Variants in ESRRG observed in about 807,000 individuals in gnomAD.
The protein encoded by ESRRG is estrogen-related receptor gamma.
A neutral mutation model predicts 44.0 loss-of-function variants in ESRRG; 13 were observed. The ratio of observed to expected loss-of-function variants is 0.30; its 90% CI spans 0.19 to 0.47. ESRRG has a LOEUF of 0.47. ESRRG is among the 20% of genes least tolerant of loss of function. ESRRG has a pLI of 1.00. For missense variants in ESRRG, 395 were observed against 580.6 expected (o/e 0.68, Z 3.29); for synonymous variants, 215 against 214.6 (o/e 1.00, Z -0.02).
At chr1:216,856,677 G>A (rs1283793304) in intron 2 of ESRRG, among the ~76,000 whole-genome samples, 17 of 152,288 alleles carry the variant, frequency 1.1e-4, no homozygotes, top group African/African-American at 2.4e-5. Context: ...TTGACGAAGA[G>A]TATATTACTT....
At chr1:217,099,315 A>G (rs932558879) in intron 1 of ESRRG, among the ~76,000 whole-genome samples, 1 of 152,044 alleles carries the variant, frequency 6.6e-6, no homozygotes, top group Non-Finnish European at 1.5e-5. Flanking sequence ...TGAAGTGGAT[A>G]TTATTCCTAC....
intron 1 of ESRRG, among the ~76,000 whole-genome samples, chr1:217,068,178 G>T (rs942615641): frequency 6.6e-6 from 1 of 152,148 alleles, no homozygotes; most frequent in Non-Finnish European, 1.5e-5. Context: ...TGACAGGAAA[G>T]CCTGAGGACC....
chr1:216,529,173 A>C (rs1048794950), intron 5 of ESRRG, among the ~76,000 whole-genome samples: 1 of 152,178 alleles, frequency 6.6e-6, no homozygotes, highest in Non-Finnish European at 1.5e-5. Context: ...AGCTCTATGC[A>C]AATAATCTGG....
At chr1:217,051,910 C>T (rs767262506) in intron 1 of ESRRG, among the ~76,000 whole-genome samples, 3 of 151,718 alleles carry the variant, frequency 2.0e-5, no homozygotes, top group East Asian at 1.9e-4. Flanking sequence ...ACCACAGGCT[C>T]ACACCACCAC....
intron 5 of ESRRG, among the ~76,000 whole-genome samples, chr1:216,547,578 C>T (rs1056061950): frequency 4.6e-5 from 7 of 151,996 alleles, no homozygotes; most frequent in Non-Finnish European, 8.8e-5. Flanking sequence ...ATGGTGCAAG[C>T]GTGTGTGTTA....
At chr1:216,797,376 T>C (rs74141657) in intron 2 of ESRRG, among the ~76,000 whole-genome samples, 7,211 of 152,228 alleles carry the variant, frequency 0.047, 575 homozygotes, top group African/African-American at 0.17. Context: ...TGTAACTCCT[T>C]AGGCTTCTCC....
rs931835849 is a variant in ESRRG, at chr1:216,580,572, T to G, written c.590-12474A>C. 2.0e-5 allele frequency among the ~76,000 whole-genome samples: 3 copies of G among 152,354 alleles called. No homozygotes were observed. The East Asian group carries it at 5.8e-4, about 29-fold the overall frequency. On this transcript the variant is annotated intron_variant, in intron 3 of 6. Transcript: ENST00000408911. ...ATATTGAACAAGAAAGATCATAGAT[T>G]GCTATACTTGGGAAATTTGACAAAT...
chr1:216,527,768 G>T (rs2048114509), intron 5 of ESRRG, among the ~76,000 whole-genome samples: 1 of 152,030 alleles, frequency 6.6e-6, no homozygotes, highest in African/African-American at 2.4e-5. Flanking sequence ...GTTGTCACTG[G>T]GTAGCATCTA....
At chr1:217,110,177 A>G (rs1356098498) in intron 1 of ESRRG, among the ~76,000 whole-genome samples, 1 of 152,192 alleles carries the variant, frequency 6.6e-6, no homozygotes, top group Non-Finnish European at 1.5e-5. Flanking sequence ...ACATCCTTTC[A>G]TGCACACGCC....
chr1:216,673,752 T>C lies in ESRRG; in HGVS notation c.472+3324A>G, dbSNP rs143060264. Among the ~76,000 whole-genome samples, 4 of 152,378 alleles carry C rather than the reference T, an allele frequency of 2.6e-5. No individual in the cohort carries two copies. The East Asian group carries it at 7.7e-4, about 29-fold the overall frequency. On this transcript the variant is annotated intron_variant, in intron 2 of 6. Transcript: ENST00000408911. ...AGGAAATTTTTTCACACTGTTATTCTATCTTTACAAAACATACCGAAGACT... is the reference window on the plus strand; with the variant it reads ...AGGAAATTTTTTCACACTGTTATTCCATCTTTACAAAACATACCGAAGACT...
At chr1:216,921,339 G>A (rs1025501843) in intron 2 of ESRRG, among the ~76,000 whole-genome samples, 2 of 152,158 alleles carry the variant, frequency 1.3e-5, no homozygotes, top group Non-Finnish European at 2.9e-5. Flanking sequence ...CCATCGGTAA[G>A]ACGAGGATAA....
intron 2 of ESRRG, chr1:216,863,250 C>T (rs1398869231): frequency 6.6e-6 from 1 of 152,002 alleles, no homozygotes. Flanking sequence ...CTTTTAGAAT[C>T]ACTGATATAT....
chr1:217,045,302 A>G (rs531997536), intron 1 of ESRRG, among the ~76,000 whole-genome samples: 2 of 152,214 alleles, frequency 1.3e-5, no homozygotes, highest in Admixed American at 6.5e-5. Flanking sequence ...CAAAAACCCC[A>G]TAAGACCAGG....
chr1:217,122,800 A>T (rs2092838279), intron 1 of ESRRG, among the ~76,000 whole-genome samples: 1 of 151,164 alleles, frequency 6.6e-6, no homozygotes, highest in South Asian at 2.1e-4. Flanking sequence ...CCTCCCGAGT[A>T]GCTGGGATTA....
At chr1:216,927,219 AT>A (rs1435422596) in intron 2 of ESRRG, among the ~76,000 whole-genome samples, 1 of 152,012 alleles carries the variant, frequency 6.6e-6, no homozygotes, top group Non-Finnish European at 1.5e-5. Flanking sequence ...CAAAGGCTCG[AT>A]TTTTCTCTTT....
intron 1 of ESRRG, among the ~76,000 whole-genome samples, chr1:216,962,914 C>T (rs1365495617): frequency 6.6e-6 from 1 of 152,106 alleles, no homozygotes; most frequent in Non-Finnish European, 1.5e-5. Context: ...ATATCAGTTC[C>T]TGTGTGCAGA....
At chr1:216,832,703 C>A (rs1312237715) in intron 2 of ESRRG, among the ~76,000 whole-genome samples, 2 of 152,104 alleles carry the variant, frequency 1.3e-5, no homozygotes, top group Admixed American at 6.6e-5. Context: ...GTGGCTCATG[C>A]CGGTAATACT....
chr1:216,660,579 G>A (rs748367295), intron 2 of ESRRG, among the ~76,000 whole-genome samples: 1 of 152,200 alleles, frequency 6.6e-6, no homozygotes, highest in Admixed American at 6.5e-5. Flanking sequence ...ATGTTGTTTA[G>A]AATATAAATA....
At chr1:217,081,221 CTTTTTTT>C (rs143325476) in intron 1 of ESRRG, among the ~76,000 whole-genome samples, 1 of 70,410 alleles carries the variant, frequency 1.4e-5, no homozygotes, top group Non-Finnish European at 2.4e-5. Context: ...TAAAAATATT[CTTTTTTT>C]TTTTTTTTTT....
Sources: allele counts gnomAD v4.1 joint callset (sites outside exome capture counted in the v4.1 genomes callset), GRCh38; gene constraint gnomAD v4.1.1; transcripts MANE v1.5; gene names NCBI Gene and HGNC (gene_info 2026-07-23, HGNC 2026-07-21).